SV2C: variants seen among roughly 807,000 people sequenced by gnomAD.
SV2C encodes synaptic vesicle glycoprotein 2C.
A neutral mutation model predicts 79.7 loss-of-function variants in SV2C; 49 were observed. The ratio of observed to expected loss-of-function variants is 0.61; its 90% CI spans 0.49 to 0.78. The LOEUF is 0.78. Ranked by LOEUF, SV2C falls within the 30% of genes least tolerant of loss-of-function variation. The pLI is 0.00. For missense variants in SV2C, 833 were observed against 912.9 expected, an observed-to-expected ratio of 0.91 and a Z score of 1.13; for synonymous variants, 334 against 333.2, an observed-to-expected ratio of 1.00 and a Z score of -0.03.
At chr5:76,265,802 A>C (rs1580002442) in intron 4 of SV2C, among the ~76,000 whole-genome samples, 2 of 151,944 alleles carry the variant, frequency 1.3e-5, no homozygotes, top group African/African-American at 4.8e-5. Context: ...TGTGGGCTGC[A>C]CCCACTGCCC....
At chr5:76,074,398 C>T in the SV2C span, among the ~76,000 whole-genome samples, 61 of 152,078 alleles carry the variant, frequency 4.0e-4, no homozygotes, top group Admixed American at 1.8e-3. Context: ...TTTACTGAGG[C>T]GAGACATTTT....
At chr5:76,021,805 A>G in the SV2C span, among the ~76,000 whole-genome samples, 2 of 152,100 alleles carry the variant, frequency 1.3e-5, no homozygotes, top group Non-Finnish European at 2.9e-5. Context: ...TTTTTGTTTC[A>G]TAATTTAATA....
intron 4 of SV2C, chr5:76,242,117 A>G (rs1261724636): frequency 5.3e-5 from 76 of 1,432,576 alleles, no homozygotes; most frequent in South Asian, 3.9e-4. Flanking sequence ...TGCCAGCATC[A>G]GCTTTTCCCT....
At chr5:75,983,093 C>T in the SV2C span, among the ~76,000 whole-genome samples, 4 of 152,026 alleles carry the variant, frequency 2.6e-5, no homozygotes, top group Admixed American at 2.6e-4. Context: ...ATGTAACAAA[C>T]CTGTAACAAG....
chr5:76,163,618 G>A (rs1200858421), intron 2 of SV2C, among the ~76,000 whole-genome samples: 1 of 151,870 alleles, frequency 6.6e-6, no homozygotes, highest in African/African-American at 2.4e-5. Flanking sequence ...TGCTCCATTA[G>A]CCCTGCAGTT....
chr5:76,279,188 C>T (rs1407155917), intron 4 of SV2C, among the ~76,000 whole-genome samples: 1 of 152,088 alleles, frequency 6.6e-6, no homozygotes, highest in Non-Finnish European at 1.5e-5. Context: ...ACCAAAATTC[C>T]ATTTTAGACA....
At chr5:75,917,796 A>G in the SV2C span, among the ~76,000 whole-genome samples, 1 of 151,508 alleles carries the variant, frequency 6.6e-6, no homozygotes, top group East Asian at 1.9e-4. Context: ...ACTTAGTTGC[A>G]TATTTTAAAA....
rs1746296718 is a variant in SV2C at position 76,257,189 on chromosome 5, A to G, written c.914-27973A>G. Among the ~76,000 whole-genome samples, 4 of 152,144 alleles carry G rather than the reference A, an allele frequency of 2.6e-5. No individual in the cohort carries two copies. The South Asian group carries it at 8.3e-4, about 31-fold the overall frequency. On this transcript the variant is annotated intron_variant, in intron 4 of 12. Transcript: ENST00000502798. ...TCTTATTAATTAACATATATCTTAT[A>G]TATTAATCTTTATACTTATTGTTGT...
At chr5:76,027,394 C>A in the SV2C span, among the ~76,000 whole-genome samples, 3 of 151,108 alleles carry the variant, frequency 2.0e-5, no homozygotes, top group Non-Finnish European at 4.4e-5. Context: ...TTTTTTTTGT[C>A]ATTTCTTATT....
chr5:76,189,133 A>C (rs908453057), intron 2 of SV2C, among the ~76,000 whole-genome samples: 1 of 152,096 alleles, frequency 6.6e-6, no homozygotes, highest in African/African-American at 2.4e-5. Context: ...GATCTTAAGT[A>C]TAGTTAGAGG....
At chr5:75,934,011 G>T in the SV2C span, among the ~76,000 whole-genome samples, 1 of 152,124 alleles carries the variant, frequency 6.6e-6, no homozygotes, top group Non-Finnish European at 1.5e-5. Flanking sequence ...GCAGACAGAG[G>T]CTGAGAACTT....
At chr5:76,066,209 A>C in the SV2C span, among the ~76,000 whole-genome samples, 4 of 151,896 alleles carry the variant, frequency 2.6e-5, no homozygotes, top group Admixed American at 6.6e-5. Context: ...AAATGTCCAA[A>C]AATGATAGAC....
chr5:76,305,875 G>T (rs1485548491), intron 12 of SV2C, among the ~76,000 whole-genome samples: 3 of 152,188 alleles, frequency 2.0e-5, no homozygotes, highest in Admixed American at 6.5e-5. Context: ...ACTGGGACAT[G>T]ATGATTTAAG....
intron 2 of SV2C, among the ~76,000 whole-genome samples, chr5:76,186,948 C>T (rs967200519): frequency 1.3e-5 from 2 of 152,136 alleles, no homozygotes; most frequent in African/African-American, 4.8e-5. Context: ...GGGATTATTA[C>T]AATTCGAGGT....
chr5:76,312,353 A>G (rs1189434342), intron 12 of SV2C, among the ~76,000 whole-genome samples: 1 of 152,014 alleles, frequency 6.6e-6, no homozygotes, highest in Non-Finnish European at 1.5e-5. Context: ...CCCAGATTCA[A>G]GCAATTCTCC....
chr5:76,291,421 C>CAGGAAAGAACCTCGCTCATA, intron 7 of SV2C, 90 bp downstream of exon 7: 1 of 1,058,346 alleles, frequency 9.4e-7, no homozygotes, highest in Non-Finnish European at 1.4e-6. Flanking sequence ...GCCCTATGAG[C>CAGGAAAGAACCTCGCTCATA]GAGGTTCTTT....
chr5:75,903,378 TA>T, the SV2C span, among the ~76,000 whole-genome samples: 770 of 146,352 alleles, frequency 5.3e-3, 3 homozygotes, highest in African/African-American at 0.017. Context: ...TTTTTTTTTT[TA>T]AAAAAAAAAG....
chr5:76,013,861 G>A, the SV2C span, among the ~76,000 whole-genome samples: 4 of 152,166 alleles, frequency 2.6e-5, no homozygotes, highest in African/African-American at 9.6e-5. Context: ...TATTTGGTAA[G>A]GCTCTGCGAG....
chr5:76,139,512 C>A (rs927917160), intron 2 of SV2C, among the ~76,000 whole-genome samples: 4 of 152,078 alleles, frequency 2.6e-5, no homozygotes, highest in African/African-American at 9.7e-5. Context: ...CTGTTTTTTT[C>A]TATCAGTCGT....
Sources: allele counts gnomAD v4.1 joint callset (sites outside exome capture counted in the v4.1 genomes callset), GRCh38; gene constraint gnomAD v4.1.1; transcripts MANE v1.5; gene names NCBI Gene and HGNC (gene_info 2026-07-23, HGNC 2026-07-21).